The following TENM2 variants were observed in gnomAD, a reference collection of about 807,000 sequenced individuals.
TENM2 encodes teneurin transmembrane protein 2.
In TENM2, 52 loss-of-function variants were observed where a neutral mutation model predicts 245.2. The ratio of observed to expected loss-of-function variants is 0.21; its 90% CI spans 0.17 to 0.27. TENM2 has a LOEUF of 0.27. Among genes scored for constraint, TENM2 ranks in the 10% least tolerant of loss-of-function variants. TENM2 has a pLI of 1.00. For missense variants in TENM2, 3,046 were observed against 3,666.8 expected (o/e 0.83, Z 4.37); for synonymous variants, 1,363 against 1,438.9 (o/e 0.95, Z 1.19).
At chr5:167,541,884 A>G (rs948582573) in intron 2 of TENM2, among the ~76,000 whole-genome samples, 2 of 152,220 alleles carry the variant, frequency 1.3e-5, no homozygotes, top group East Asian at 1.9e-4. Flanking sequence ...ATATTCCTGA[A>G]ATATAAATAG....
the TENM2 span, among the ~76,000 whole-genome samples, chr5:167,019,161 A>G: frequency 6.6e-6 from 1 of 151,992 alleles, no homozygotes; most frequent in African/African-American, 2.4e-5. Flanking sequence ...TAATCCATCC[A>G]TCCGTCCATC....
At chr5:167,499,971 G>GT in intron 2 of TENM2, among the ~76,000 whole-genome samples, 1 of 121,006 alleles carries the variant, frequency 8.3e-6, no homozygotes, top group Non-Finnish European at 1.8e-5. Flanking sequence ...TGTATGTGAG[G>GT]GTGTGTGTGT....
At chr5:167,401,126 AAG>A (rs1479698192) in intron 2 of TENM2, among the ~76,000 whole-genome samples, 1 of 152,046 alleles carries the variant, frequency 6.6e-6, no homozygotes, top group Non-Finnish European at 1.5e-5. Flanking sequence ...AAACCTAACA[AAG>A]AGGAGGGTAT....
At chr5:167,547,073 G>A (rs1562044631) in intron 2 of TENM2, among the ~76,000 whole-genome samples, 1 of 152,152 alleles carries the variant, frequency 6.6e-6, no homozygotes. Flanking sequence ...CATCTGTCTG[G>A]AAGTGGAATC....
chr5:168,052,792 C>A (rs1473020873), intron 6 of TENM2, among the ~76,000 whole-genome samples: 1 of 151,982 alleles, frequency 6.6e-6, no homozygotes, highest in Non-Finnish European at 1.5e-5. Flanking sequence ...TTTATTTGTG[C>A]CTGGAGCACA....
intron 2 of TENM2, among the ~76,000 whole-genome samples, chr5:167,873,795 A>G (rs989578070): frequency 6.6e-6 from 1 of 152,172 alleles, no homozygotes; most frequent in African/African-American, 2.4e-5. Flanking sequence ...ACACCCAGCA[A>G]GAAAGTCATG....
chr5:167,356,231 A>C (rs1759326963), intron 1 of TENM2, among the ~76,000 whole-genome samples: 2 of 149,922 alleles, frequency 1.3e-5, no homozygotes, highest in Non-Finnish European at 1.5e-5. Flanking sequence ...ATTAAAATTA[A>C]AAAAAAGGCA....
At chr5:167,945,087 G>A (rs934273696) in intron 3 of TENM2, among the ~76,000 whole-genome samples, 1 of 152,126 alleles carries the variant, frequency 6.6e-6, no homozygotes, top group Non-Finnish European at 1.5e-5. Flanking sequence ...TGTCCTCTGA[G>A]ACTCTAAATA....
At chr5:167,001,016 C>G in the TENM2 span, among the ~76,000 whole-genome samples, 1 of 151,666 alleles carries the variant, frequency 6.6e-6, no homozygotes, top group Non-Finnish European at 1.5e-5. Context: ...AATGCATTGG[C>G]TGATTGGTTT....
chr5:167,928,785 A>G (rs550437976), intron 3 of TENM2, among the ~76,000 whole-genome samples: 2 of 150,356 alleles, frequency 1.3e-5, no homozygotes, highest in South Asian at 4.2e-4. Context: ...AGTCCCATCT[A>G]CTCAAGAGGC....
chr5:167,619,689 T>C (rs1778030338), intron 2 of TENM2, among the ~76,000 whole-genome samples: 1 of 152,152 alleles, frequency 6.6e-6, no homozygotes, highest in Non-Finnish European at 1.5e-5. Flanking sequence ...CTCCTGCTAA[T>C]AAAAGATATA....
At chr5:167,481,249 C>A (rs1186040887) in intron 2 of TENM2, among the ~76,000 whole-genome samples, 1 of 152,084 alleles carries the variant, frequency 6.6e-6, no homozygotes, top group African/African-American at 2.4e-5. Flanking sequence ...AAACTGCAGC[C>A]CACAGACCAA....
At chr5:168,073,401 A>C (rs771214418) in intron 7 of TENM2, among the ~76,000 whole-genome samples, 2 of 152,192 alleles carry the variant, frequency 1.3e-5, no homozygotes, top group Non-Finnish European at 2.9e-5. Context: ...GGGCCTTTCT[A>C]AGCAGAGGGC....
intron 13 of TENM2, among the ~76,000 whole-genome samples, chr5:168,188,440 C>T (rs551970119): frequency 2.9e-4 from 44 of 152,324 alleles, no homozygotes; most frequent in African/African-American, 9.4e-4. Context: ...CTAACGAATT[C>T]GTTCTTATCA....
intron 2 of TENM2, among the ~76,000 whole-genome samples, chr5:167,862,783 G>A (rs1213867594): frequency 1.3e-5 from 2 of 152,210 alleles, no homozygotes; most frequent in Non-Finnish European, 2.9e-5. Flanking sequence ...ATGCAATTCG[G>A]GTTGTGAATT....
At chr5:167,399,556 A>G (rs1370200659) in intron 2 of TENM2, among the ~76,000 whole-genome samples, 2 of 152,196 alleles carry the variant, frequency 1.3e-5, no homozygotes, top group African/African-American at 2.4e-5. Context: ...AAATGGTGAC[A>G]GGAGGTGGCA....
chr5:166,989,385 G>A, the TENM2 span, among the ~76,000 whole-genome samples: 1 of 148,432 alleles, frequency 6.7e-6, no homozygotes, highest in African/African-American at 2.5e-5. Context: ...TCAGCTTCCT[G>A]AGTAGCTGGG....
intron 19 of TENM2, among the ~76,000 whole-genome samples, chr5:168,208,388 G>A (rs1433501862): frequency 2.0e-5 from 3 of 152,094 alleles, no homozygotes; most frequent in African/African-American, 7.2e-5. Context: ...GGAGTCAAGG[G>A]CACCAATCAT....
chr5:167,345,198 G>A (rs951402279), intron 1 of TENM2, among the ~76,000 whole-genome samples: 1 of 152,198 alleles, frequency 6.6e-6, no homozygotes, highest in Non-Finnish European at 1.5e-5. Flanking sequence ...AGCCAGGGAG[G>A]CTGACAGTCA....
Sources: gnomAD v4.1 joint callset for allele counts (sites outside exome capture counted in the v4.1 genomes callset) on GRCh38, gnomAD v4.1.1 for gene constraint, MANE v1.5 for transcripts, NCBI Gene and HGNC (gene_info 2026-07-23, HGNC 2026-07-21) for gene names.